Variants in SEMA3A observed in about 807,000 individuals in gnomAD.
SEMA3A encodes semaphorin 3A, also known as semaphorin-3A.
SEMA3A carries 29 observed loss-of-function variants against 97.9 expected under a neutral mutation model. The ratio of observed to expected loss-of-function variants is 0.30; its 90% confidence interval spans 0.22 to 0.40. The LOEUF is 0.40. SEMA3A is among the 10% of genes least tolerant of loss of function. SEMA3A has a pLI of 1.00. For synonymous variants in SEMA3A, 321 were observed against 323.7 expected, an observed-to-expected ratio of 0.99 and a Z score of 0.09; for missense variants, 763 against 951.3, an observed-to-expected ratio of 0.80 and a Z score of 2.60.
intron 1 of SEMA3A, among the ~76,000 whole-genome samples, chr7:84,418,634 C>T (rs2116272020): frequency 6.6e-6 from 1 of 152,124 alleles, no homozygotes; most frequent in East Asian, 1.9e-4. Flanking sequence ...CCCATGGCTT[C>T]CTCTCCTCCT....
intron 1 of SEMA3A, among the ~76,000 whole-genome samples, chr7:84,456,742 C>G (rs73191088): frequency 1.3e-5 from 2 of 151,644 alleles, no homozygotes; most frequent in African/African-American, 4.8e-5. Flanking sequence ...GCTTTATTTA[C>G]GTTTAATATC....
chr7:84,269,700 T>C (rs1267093791), intron 3 of SEMA3A, among the ~76,000 whole-genome samples: 1 of 152,134 alleles, frequency 6.6e-6, no homozygotes, highest in African/African-American at 2.4e-5. Flanking sequence ...ATTGTTATTA[T>C]TTAGGTTTGC....
At chr7:84,082,107 A>C (rs1794186160) in intron 4 of SEMA3A, among the ~76,000 whole-genome samples, 1 of 152,196 alleles carries the variant, frequency 6.6e-6, no homozygotes, top group Non-Finnish European at 1.5e-5. Flanking sequence ...AGGACTTAAA[A>C]ATGAATTTTA....
intron 5 of SEMA3A, among the ~76,000 whole-genome samples, chr7:84,047,614 T>TAC (rs977121808): frequency 2.0e-5 from 3 of 152,060 alleles, no homozygotes; most frequent in Non-Finnish European, 2.9e-5. Flanking sequence ...ATTGCCTTTC[T>TAC]ACATACAGTG....
At chr7:84,222,620 A>T (rs370304680) in intron 3 of SEMA3A, among the ~76,000 whole-genome samples, 4 of 152,054 alleles carry the variant, frequency 2.6e-5, no homozygotes, top group African/African-American at 9.6e-5. Context: ...TTGTAAACAT[A>T]TGGTAGATTT....
chr7:84,472,935 C>A (rs1228908), intron 1 of SEMA3A, among the ~76,000 whole-genome samples: 2 of 151,894 alleles, frequency 1.3e-5, no homozygotes, highest in Non-Finnish European at 2.9e-5. Context: ...TAGAGAGATC[C>A]TCATGTGACA....
At chr7:84,321,492 T>C (rs12670803) in intron 2 of SEMA3A, among the ~76,000 whole-genome samples, 54,192 of 151,956 alleles carry the variant, frequency 0.36, 11,023 homozygotes, top group Non-Finnish European at 0.48. Context: ...GTTGATATAA[T>C]TGCTCTGCAA....
chr7:84,112,372 T>C (rs997501862), intron 3 of SEMA3A, among the ~76,000 whole-genome samples: 2 of 152,220 alleles, frequency 1.3e-5, no homozygotes, highest in Admixed American at 1.3e-4. Flanking sequence ...GATGTCTTTT[T>C]CATTCTAGAA....
Position 84,101,677 on chromosome 7 carries a change from T to C in SEMA3A, c.453+8793A>G, listed in dbSNP as rs537173224. Among the ~76,000 whole-genome samples the C allele has an allele frequency of 3.9e-5, 6 of 152,226 alleles. No individual in the cohort carries two copies. In the South Asian group the frequency reaches 1.0e-3, roughly 26 times the overall value. On this transcript the variant is annotated intron_variant, in intron 4 of 16. Coordinates refer to ENST00000265362, the MANE Select transcript of SEMA3A (RefSeq NM_006080.3). ...AATAATATTATCATAAGCAACAATA[T>C]TGGATTTCAACTATCAGATATTAAT...
intron 1 of SEMA3A, among the ~76,000 whole-genome samples, chr7:84,173,228 A>G (rs1797447317): frequency 6.6e-6 from 1 of 152,132 alleles, no homozygotes; most frequent in Non-Finnish European, 1.5e-5. Context: ...CATTAAAAAT[A>G]GTGAGAATCT....
upstream of SEMA3A, among the ~76,000 whole-genome samples, chr7:84,198,497 C>T (rs73179400): frequency 0.063 from 9,642 of 152,114 alleles, 523 homozygotes; most frequent in East Asian, 0.29. Flanking sequence ...CCACTGTGCC[C>T]GGCCTTATAT....
At position 84,091,322 on chromosome 7, in the gene SEMA3A, AAG is replaced by A. The variant is rs568558910; in HGVS notation, c.453+19146_453+19147del. On this transcript the variant is annotated intron_variant, in intron 4 of 16. Transcript: ENST00000265362. ...AGAAAAAGAAAGGAAGGAAGGAAGG[AAG>A]AGAGAGAGAGAAAGAGGAGGGAAGG... Among the ~76,000 whole-genome samples, 17 of 137,334 alleles carry A rather than the reference AAG, an allele frequency of 1.2e-4. No homozygotes were observed. In the South Asian group the frequency reaches 2.1e-3, roughly 17 times the overall value. 90.1% of individuals were successfully genotyped at this position (137,334 alleles called of 152,430 possible).
chr7:84,167,142 A>G (rs1797238975), intron 1 of SEMA3A, among the ~76,000 whole-genome samples: 1 of 87,100 alleles, frequency 1.1e-5, no homozygotes, highest in African/African-American at 3.6e-5. Flanking sequence ...CAGAGGAAAA[A>G]ATAAATAGAA....
chr7:83,992,295 G>A (rs1328733302), intron 12 of SEMA3A, among the ~76,000 whole-genome samples: 3 of 147,216 alleles, frequency 2.0e-5, no homozygotes, highest in African/African-American at 5.2e-5. Flanking sequence ...ATTTTTTGAA[G>A]GGTTTTTTGT....
At chr7:84,483,172 A>G (rs1005319759) in intron 1 of SEMA3A, among the ~76,000 whole-genome samples, 1 of 152,190 alleles carries the variant, frequency 6.6e-6, no homozygotes, top group Non-Finnish European at 1.5e-5. Flanking sequence ...CTCAAACTCC[A>G]TGTTAACTAC....
At chr7:84,299,362 CT>C (rs1800950553) in intron 3 of SEMA3A, among the ~76,000 whole-genome samples, 1 of 137,432 alleles carries the variant, frequency 7.3e-6, no homozygotes, top group Non-Finnish European at 1.5e-5. Flanking sequence ...CTCTCTCTCT[CT>C]CCCTCTATAT....
At chr7:84,079,903 C>T (rs549126730) in intron 4 of SEMA3A, among the ~76,000 whole-genome samples, 2 of 147,578 alleles carry the variant, frequency 1.4e-5, no homozygotes, top group Admixed American at 1.4e-4. Flanking sequence ...CACTTGCGCA[C>T]GTATGTTTAT....
intron 1 of SEMA3A, among the ~76,000 whole-genome samples, chr7:84,156,549 G>A (rs1416999592): frequency 6.6e-6 from 1 of 152,050 alleles, no homozygotes; most frequent in African/African-American, 2.4e-5. Flanking sequence ...AATATTCACT[G>A]ACTGGATTCT....
chr7:84,405,883 G>A (rs919252074), intron 1 of SEMA3A, among the ~76,000 whole-genome samples: 1 of 151,962 alleles, frequency 6.6e-6, no homozygotes, highest in Non-Finnish European at 1.5e-5. Flanking sequence ...AGAATCTCTG[G>A]GACACATTCA....
Sources: allele counts gnomAD v4.1 joint callset (sites outside exome capture counted in the v4.1 genomes callset), GRCh38; gene constraint gnomAD v4.1.1; transcripts MANE v1.5; gene names NCBI Gene and HGNC (gene_info 2026-07-23, HGNC 2026-07-21).